The following ACAT1 variants were observed in gnomAD, a reference collection of about 807,000 sequenced individuals.
ACAT1 encodes the protein acetyl-CoA acetyltransferase 1.
ACAT1 carries 28 observed loss-of-function variants against 47.3 expected under a neutral mutation model. The observed-to-expected ratio is 0.59, with a 90% CI of 0.44 to 0.81. The LOEUF (loss-of-function observed/expected upper bound fraction) is 0.81. ACAT1 is among the 30% of genes least tolerant of loss of function. The pLI is 0.00. For missense variants in ACAT1, 469 were observed against 524.3 expected, an observed-to-expected ratio of 0.89 and a Z score of 1.03; for synonymous variants, 181 against 173.6, an observed-to-expected ratio of 1.04 and a Z score of -0.34.
upstream of ACAT1, among the ~76,000 whole-genome samples, chr11:108,118,591 C>G (rs1355771593): frequency 6.6e-6 from 1 of 152,102 alleles, no homozygotes; most frequent in African/African-American, 2.4e-5. Context: ...AGGATGGTCT[C>G]GATCTCCTGA....
chr11:108,126,065 C>T (rs766974867), intron 1 of ACAT1, among the ~76,000 whole-genome samples: 9 of 152,116 alleles, frequency 5.9e-5, no homozygotes, highest in Non-Finnish European at 1.3e-4. Flanking sequence ...GGCAGCGGCG[C>T]GATCTCGGCT....
chr11:108,137,188 A>C, intron 5 of ACAT1, among the ~76,000 whole-genome samples: 1 of 152,190 alleles, frequency 6.6e-6, no homozygotes, highest in Non-Finnish European at 1.5e-5. Flanking sequence ...TAAATGGTCA[A>C]GGCAGACATG....
intron 4 of ACAT1, among the ~76,000 whole-genome samples, chr11:108,134,733 C>G (rs569108527): frequency 6.7e-6 from 1 of 148,886 alleles, no homozygotes; most frequent in African/African-American, 2.5e-5. Context: ...ATCACGAGGT[C>G]AGGAGATTGA....
At chr11:108,139,126 C>G in intron 6 of ACAT1, 85 bp downstream of exon 6, 1 of 1,525,350 alleles carries the variant, frequency 6.6e-7, no homozygotes, top group East Asian at 2.3e-5. Context: ...ACAAACTGAA[C>G]TGAAAGATGG....
chr11:108,141,771 A>C (rs910068784), intron 8 of ACAT1, 71 bp downstream of exon 8: 5 of 933,894 alleles, frequency 5.4e-6, no homozygotes, highest in African/African-American at 6.7e-5. Context: ...AGAATTGCCT[A>C]AGGATTTTGA....
chr11:108,129,345 T>C (rs562464933), intron 1 of ACAT1: 37 of 152,356 alleles, frequency 2.4e-4, no homozygotes, highest in African/African-American at 8.2e-4. Context: ...GCTATGAACA[T>C]GCGTGTGCAA....
chr11:108,133,476 C>A (rs1407050712), intron 2 of ACAT1, among the ~76,000 whole-genome samples: 2 of 152,036 alleles, frequency 1.3e-5, no homozygotes, highest in Non-Finnish European at 2.9e-5. Flanking sequence ...CTGAGCAAGA[C>A]CCTGTCTCAA....
chr11:108,140,303 G>A (rs186205984), intron 7 of ACAT1, 88 bp downstream of exon 7: 13 of 1,512,248 alleles, frequency 8.6e-6, no homozygotes, highest in Middle Eastern at 2.0e-4. Context: ...CATTATCTTG[G>A]TTCATTTCAA....
chr11:108,137,932 G>A (rs979721461), intron 5 of ACAT1, among the ~76,000 whole-genome samples: 5 of 108 alleles, frequency 0.046, no homozygotes, highest in Non-Finnish European at 0.071. Flanking sequence ...GGGCAACAGC[G>A]AGACCTGTCT....
intron 1 of ACAT1, among the ~76,000 whole-genome samples, chr11:108,131,353 A>ATTTTTTTTTTTTTTTTTTTTTTTT (rs1591359671): frequency 2.0e-4 from 2 of 10,018 alleles, no homozygotes; most frequent in East Asian, 9.8e-3. Context: ...AAAGACTTGG[A>ATTTTTTTTTTTTTTTTTTTTTTTT]ATTTTTTTTT....
At chr11:108,126,854 G>T (rs564252535) in intron 1 of ACAT1, among the ~76,000 whole-genome samples, 1 of 145,058 alleles carries the variant, frequency 6.9e-6, no homozygotes, top group East Asian at 2.1e-4. Flanking sequence ...GTGCAATGGC[G>T]CAATCTCAGC....
intron 1 of ACAT1, among the ~76,000 whole-genome samples, chr11:108,122,856 A>G (rs190477941): frequency 1.0e-3 from 159 of 152,246 alleles, no homozygotes; most frequent in African/African-American, 3.6e-3. Context: ...TGACTAGGTG[A>G]CATAGGTGAA....
chr11:108,144,187 T>G, intron 10 of ACAT1, 140 bp downstream of exon 10: 1 of 913,644 alleles, frequency 1.1e-6, no homozygotes, highest in Admixed American at 2.1e-5. Context: ...TGTCTTCTCC[T>G]GAAAAGAGTA....
At chr11:108,144,208 G>T in intron 10 of ACAT1, 161 bp downstream of exon 10, 1 of 724,628 alleles carries the variant, frequency 1.4e-6, no homozygotes, top group Non-Finnish European at 2.3e-6. Context: ...AGAGCAACAA[G>T]GATAACAAAC....
chr11:108,125,724 G>A (rs2077234591), intron 1 of ACAT1, among the ~76,000 whole-genome samples: 1 of 152,002 alleles, frequency 6.6e-6, no homozygotes, highest in Admixed American at 6.6e-5. Flanking sequence ...TCAGGAGATC[G>A]AGACTATCCT....
chr11:108,119,931 C>T (rs1015756083), upstream of ACAT1, among the ~76,000 whole-genome samples: 1 of 152,014 alleles, frequency 6.6e-6, no homozygotes, highest in Non-Finnish European at 1.5e-5. Context: ...AAAAAATTAC[C>T]CTGGCCGCGT....
At chr11:108,146,029 A>G in intron 10 of ACAT1, 173 bp from the exon 11 acceptor site, 1 of 564,198 alleles carries the variant, frequency 1.8e-6, no homozygotes, top group Non-Finnish European at 3.1e-6. Flanking sequence ...CCTGGGAGAC[A>G]GAGCAAGACT....
chr11:108,118,946 G>C (rs2077106832), upstream of ACAT1, among the ~76,000 whole-genome samples: 1 of 152,116 alleles, frequency 6.6e-6, no homozygotes, highest in Non-Finnish European at 1.5e-5. Flanking sequence ...TCCTAGTTAG[G>C]TTTCTCCTAG....
At chr11:108,138,572 T>C in intron 5 of ACAT1, 1 of 338,464 alleles carries the variant, frequency 3.0e-6, no homozygotes, top group South Asian at 2.5e-5. Flanking sequence ...AATTTTTGTA[T>C]TTTTAGTAGA....
Sources: gnomAD v4.1 joint callset for allele counts (sites outside exome capture counted in the v4.1 genomes callset) on GRCh38, gnomAD v4.1.1 for gene constraint, MANE v1.5 for transcripts, NCBI Gene and HGNC (gene_info 2026-07-23, HGNC 2026-07-21) for gene names.